The following TPCN1 variants were observed in gnomAD, a reference collection of about 807,000 sequenced individuals.
The protein encoded by TPCN1 is two pore segment channel 1.
TPCN1 carries 52 observed loss-of-function variants against 108.8 expected under a neutral mutation model. The observed-to-expected ratio is 0.48, with a 90% confidence interval of 0.38 to 0.60. TPCN1 has a LOEUF of 0.60. Ranked by LOEUF, TPCN1 falls within the 20% of genes least tolerant of loss-of-function variation. The pLI is 0.00. For missense variants in TPCN1, 806 were observed against 1,072.8 expected (o/e 0.75, Z 3.47); for synonymous variants, 446 against 433.7 (o/e 1.03, Z -0.35).
intron 27 of TPCN1, among the ~76,000 whole-genome samples, chr12:113,295,039 G>C (rs1292430775): frequency 1.3e-5 from 2 of 152,150 alleles, no homozygotes; most frequent in Non-Finnish European, 2.9e-5. Context: ...CACTGAACTT[G>C]GTGTCACAGA....
chr12:113,267,970 C>T lies in TPCN1; in HGVS notation c.528+14C>T, dbSNP rs1454719102. The T allele has an allele frequency of 6.4e-7, 1 of 1,553,568 alleles. No individual in the cohort carries two copies. Among genetic ancestry groups the T allele is most frequent in the Non-Finnish European group, 8.9e-7 (1 of 1,128,780 alleles). On this transcript the variant is annotated intron_variant, in intron 5 of 27. Transcript: ENST00000335509. ...ACCATGGTCAAGGTGATGTGTCCGC[C>T]CATCTGTCCCTCCCCTCACAGCCTT...
intron 2 of TPCN1, chr12:113,246,186 C>T (rs946860568): frequency 1.7e-4 from 67 of 384,394 alleles, no homozygotes; most frequent in South Asian, 1.2e-3. Flanking sequence ...CACTCCTTCC[C>T]GTCCTCTGAG....
chr12:113,254,282 C>A (rs1954757227), intron 2 of TPCN1, among the ~76,000 whole-genome samples: 1 of 152,188 alleles, frequency 6.6e-6, no homozygotes, highest in South Asian at 2.1e-4. Context: ...GACACAAATT[C>A]TTCCAGAAAA....
Position 113,231,816 on chromosome 12 carries a change from A to G in TPCN1, c.112+4852A>G, listed in dbSNP as rs1953696067. Among the ~76,000 whole-genome samples, 2 of 152,216 alleles carry G rather than the reference A, an allele frequency of 1.3e-5. No homozygotes were observed. The highest frequency in any genetic ancestry group is 4.1e-4 in the South Asian group (2 of 4,832). On this transcript the variant is annotated intron_variant, in intron 2 of 27. Coordinates refer to ENST00000335509, the MANE Select transcript of TPCN1 (RefSeq NM_017901.6). The surrounding 1 kb of genome is among the most constrained non-coding windows in gnomAD (Gnocchi z 4.3). ...AAAGGAGGCAGGTATGAGCAGAGGT[A>G]TTTAAAGCCTGGAAACTAGGAATAA...
intron 14 of TPCN1, among the ~76,000 whole-genome samples, chr12:113,279,705 C>T (rs933336756): frequency 1.3e-4 from 19 of 151,906 alleles, no homozygotes; most frequent in African/African-American, 4.1e-4. Flanking sequence ...CGCCCGACCC[C>T]GATAATATAT....
Position 113,269,871 on chromosome 12 carries a change from G to A in TPCN1, c.748+26G>A. 2.5e-6 allele frequency: 4 copies of A among 1,611,600 alleles called. No homozygotes were observed. Among genetic ancestry groups the A allele is most frequent in the Non-Finnish European group, 3.4e-6 (4 of 1,178,250 alleles). On this transcript the variant is annotated intron_variant, in intron 7 of 27. Transcript: ENST00000335509. The surrounding 1 kb of genome is among the most constrained non-coding windows in gnomAD (Gnocchi z 5.0). ...GTGAGTTCCCGCCTCTCAGGCCCAG[G>A]TGCGCTGGAAAAGCAAGTTCACGGT...
chr12:113,260,257 G>C, intron 2 of TPCN1, 111 bp from the exon 3 acceptor site: 7 of 1,217,640 alleles, frequency 5.7e-6, no homozygotes, highest in Non-Finnish European at 7.7e-6. Flanking sequence ...GAAGATGACG[G>C]GATGTCCATG....
intron 2 of TPCN1, chr12:113,244,613 T>C (rs1954276951): frequency 2.0e-6 from 2 of 985,434 alleles, no homozygotes; most frequent in Non-Finnish European, 2.4e-6. Context: ...AGTGTCACTC[T>C]GGTTTATTTT....
chr12:113,252,258 T>C (rs1205278809), intron 2 of TPCN1, among the ~76,000 whole-genome samples: 1 of 151,654 alleles, frequency 6.6e-6, no homozygotes, highest in Non-Finnish European at 1.5e-5. Flanking sequence ...TTGCTGGGAG[T>C]GTCATTGAGG....
At chr12:113,277,470 G>A (rs1013265808) in intron 12 of TPCN1, 106 bp downstream of exon 12, 116 of 1,359,112 alleles carry the variant, frequency 8.5e-5, no homozygotes, top group Non-Finnish European at 1.1e-4. Context: ...CTATAGGCTT[G>A]TCAGAGACTT....
chr12:113,223,435 C>G (rs1440729311), intron 1 of TPCN1, among the ~76,000 whole-genome samples: 3 of 120,294 alleles, frequency 2.5e-5, no homozygotes, highest in Non-Finnish European at 5.2e-5. Context: ...TCTGCTGAGT[C>G]TTTTTTTTTT....
chr12:113,259,529 G>A (rs1217342704), intron 2 of TPCN1, among the ~76,000 whole-genome samples: 3 of 152,220 alleles, frequency 2.0e-5, no homozygotes, highest in Admixed American at 6.5e-5. Context: ...TGCAGCTGGT[G>A]TTAGTGTTAT....
chr12:113,270,429 C>G (rs562661812), intron 7 of TPCN1, among the ~76,000 whole-genome samples: 51 of 151,630 alleles, frequency 3.4e-4, no homozygotes, highest in Non-Finnish European at 6.6e-4. Context: ...TGTGTCCTCA[C>G]GTGGTGGAAG....
chr12:113,238,507 C>T (rs1390156840), intron 2 of TPCN1, among the ~76,000 whole-genome samples: 2 of 152,152 alleles, frequency 1.3e-5, no homozygotes, highest in South Asian at 2.1e-4. Context: ...CAAGTCTTCC[C>T]CAGAGCCATT....
intron 2 of TPCN1, among the ~76,000 whole-genome samples, chr12:113,254,332 C>G (rs188215811): frequency 4.6e-4 from 70 of 152,244 alleles, no homozygotes; most frequent in Non-Finnish European, 5.4e-4. Flanking sequence ...TTTTATGAGG[C>G]CAGCATTACC....
In TPCN1 at chr12:113,288,841, G is replaced by A; in HGVS notation, c.1790G>A (p.Cys597Tyr). The change falls in exon 21 of 28, where the codon TGC (cysteine) becomes TAC (tyrosine). Residue 597 changes from cysteine (C) to tyrosine (Y), a missense_variant. Coordinates refer to ENST00000335509, the MANE Select transcript of TPCN1 (RefSeq NM_017901.6). The surrounding 1 kb of genome is among the most constrained non-coding windows in gnomAD (Gnocchi z 4.8). ...EFFCGIVFPN[C>Y]CNTSTVADAY... ...TTCTGCGGGATCGTCTTCCCCAACTGCTGCAAGTGAGTAGGCCCCACCCAG... is the reference window on the plus strand; with the variant it reads ...TTCTGCGGGATCGTCTTCCCCAACTACTGCAAGTGAGTAGGCCCCACCCAG... 3 of 1,613,558 alleles carry A rather than the reference G, an allele frequency of 1.9e-6. No individual in the cohort carries two copies. The highest frequency in any genetic ancestry group is 2.5e-6 in the Non-Finnish European group (3 of 1,180,018).
intron 4 of TPCN1, among the ~76,000 whole-genome samples, chr12:113,267,579 C>T (rs1955316202): frequency 6.6e-6 from 1 of 152,022 alleles, no homozygotes; most frequent in Non-Finnish European, 1.5e-5. Flanking sequence ...CTTTTTCTTA[C>T]TTTTAAACTT....
intron 10 of TPCN1, among the ~76,000 whole-genome samples, chr12:113,276,556 C>T (rs554096144): frequency 6.6e-5 from 10 of 152,272 alleles, no homozygotes; most frequent in Non-Finnish European, 1.3e-4. Context: ...GGCTCAGAAT[C>T]CAGATGCGCC....
chr12:113,245,555 C>T (rs796899146), intron 2 of TPCN1, among the ~76,000 whole-genome samples: 6 of 124,002 alleles, frequency 4.8e-5, no homozygotes, highest in South Asian at 2.5e-4. Flanking sequence ...GAGCCGAGAT[C>T]GCGCCACTGC....
Sources: allele counts gnomAD v4.1 joint callset (sites outside exome capture counted in the v4.1 genomes callset), GRCh38; gene constraint gnomAD v4.1.1; non-coding constraint Gnocchi (gnomAD v3.1); transcripts MANE v1.5; gene names NCBI Gene and HGNC (gene_info 2026-07-23, HGNC 2026-07-21).